Variants in B3GALT1 observed in about 807,000 individuals in gnomAD.
B3GALT1 encodes the protein beta-1,3-galactosyltransferase 1.
A neutral mutation model predicts 23.2 loss-of-function variants in B3GALT1; 10 were observed. That is an observed-to-expected ratio of 0.43 (90% CI 0.27 to 0.73). The LOEUF (loss-of-function observed/expected upper bound fraction) is 0.73, where lower values mean the gene tolerates loss of function less well. Among genes scored for constraint, B3GALT1 ranks in the 30% least tolerant of loss-of-function variants. The pLI, the probability that B3GALT1 is intolerant of heterozygous loss-of-function variation, is 0.21. For synonymous variants in B3GALT1, 156 were observed against 141.5 expected (o/e 1.10, Z -0.73); for missense variants, 299 against 405.4 (o/e 0.74, Z 2.25).
intron 1 of B3GALT1, among the ~76,000 whole-genome samples, chr2:167,393,117 C>G (rs1354718301): frequency 6.6e-6 from 1 of 151,846 alleles, no homozygotes; most frequent in Non-Finnish European, 1.5e-5. Flanking sequence ...GCCTGTAGTC[C>G]CAGCTGCTTG....
intron 2 of B3GALT1, among the ~76,000 whole-genome samples, chr2:167,615,866 C>G (rs907465424): frequency 6.6e-6 from 1 of 151,944 alleles, no homozygotes; most frequent in Non-Finnish European, 1.5e-5. Flanking sequence ...AGCAATGAAA[C>G]TGAGGTGTGG....
intron 3 of B3GALT1, among the ~76,000 whole-genome samples, chr2:167,772,272 A>C (rs1020093464): frequency 6.6e-6 from 1 of 152,208 alleles, no homozygotes; most frequent in Non-Finnish European, 1.5e-5. Flanking sequence ...AGTCACAACG[A>C]TATTTTCCCT....
chr2:167,664,007 T>G (rs1446033769), intron 3 of B3GALT1, among the ~76,000 whole-genome samples: 1 of 151,036 alleles, frequency 6.6e-6, no homozygotes, highest in Non-Finnish European at 1.5e-5. Flanking sequence ...TGCCATTGCT[T>G]TTGGTGTTTT....
chr2:167,328,640 T>C (rs958727826), intron 1 of B3GALT1, among the ~76,000 whole-genome samples: 1 of 152,112 alleles, frequency 6.6e-6, no homozygotes, highest in Non-Finnish European at 1.5e-5. Context: ...TTTTATCTTT[T>C]TGAAGAACCA....
chr2:167,583,960 T>C (rs1467522472), intron 2 of B3GALT1, among the ~76,000 whole-genome samples: 2 of 134,018 alleles, frequency 1.5e-5, no homozygotes, highest in Admixed American at 9.0e-5. Flanking sequence ...TCTAGACATA[T>C]ATACCAAATA....
At chr2:167,574,564 G>T (rs1271584669) in intron 2 of B3GALT1, among the ~76,000 whole-genome samples, 1 of 151,644 alleles carries the variant, frequency 6.6e-6, no homozygotes, top group African/African-American at 2.4e-5. Flanking sequence ...ATTTCACTTG[G>T]ATATCTAGAT....
chr2:167,661,218 G>C (rs1162939098), intron 3 of B3GALT1, among the ~76,000 whole-genome samples: 1 of 152,104 alleles, frequency 6.6e-6, no homozygotes, highest in Non-Finnish European at 1.5e-5. Context: ...CTCAATTACA[G>C]TGTGTGAAAT....
intron 1 of B3GALT1, among the ~76,000 whole-genome samples, chr2:167,317,096 A>G (rs924042456): frequency 2.0e-5 from 3 of 152,142 alleles, no homozygotes; most frequent in Non-Finnish European, 2.9e-5. Flanking sequence ...GGTGTAAACA[A>G]TAAAGAGAAC....
chr2:167,458,828 A>G (rs1305019199), intron 1 of B3GALT1, among the ~76,000 whole-genome samples: 1 of 152,152 alleles, frequency 6.6e-6, no homozygotes, highest in Admixed American at 6.5e-5. Context: ...TTGTTAGTAT[A>G]TAGAAATGCA....
intron 3 of B3GALT1, among the ~76,000 whole-genome samples, chr2:167,667,067 A>C (rs1219366051): frequency 6.6e-6 from 1 of 151,852 alleles, no homozygotes; most frequent in Non-Finnish European, 1.5e-5. Context: ...ACATTTTGGC[A>C]TGATTTTGCA....
chr2:167,567,834 A>G (rs1466506385), intron 2 of B3GALT1, among the ~76,000 whole-genome samples: 1 of 152,142 alleles, frequency 6.6e-6, no homozygotes. Flanking sequence ...ATTCACCATT[A>G]TAGTATCATG....
chr2:167,868,989 T>C lies in B3GALT1; in HGVS notation c.-51T>C, dbSNP rs189004220. 7 of 1,524,114 alleles carry C rather than the reference T, an allele frequency of 4.6e-6. No homozygotes were observed. The Admixed American group carries it at 1.1e-4, about 24-fold the overall frequency. The allele number at this position is 1,524,114 out of a possible 1,614,324, so 94.4% of individuals were successfully genotyped here. On this transcript the variant is annotated 5_prime_UTR_variant, in exon 5 of 5. Transcript: ENST00000392690. ...CCTTTGGAAGATGAAAACAAACTAG[T>C]GCCAAGGAGGCGTATTCTTCAATAT... is the stretch of plus-strand genomic sequence containing the variant.
chr2:167,758,279 A>G (rs1332896729), intron 3 of B3GALT1, among the ~76,000 whole-genome samples: 1 of 152,156 alleles, frequency 6.6e-6, no homozygotes, highest in Non-Finnish European at 1.5e-5. Context: ...TCACTTGTGA[A>G]TATCTGCATC....
chr2:167,380,475 C>G (rs1308563854), intron 1 of B3GALT1, among the ~76,000 whole-genome samples: 1 of 152,192 alleles, frequency 6.6e-6, no homozygotes, highest in Non-Finnish European at 1.5e-5. Flanking sequence ...GAGGCACTTG[C>G]CACAGCTCTG....
At chr2:167,748,774 G>A (rs1687690128) in intron 3 of B3GALT1, among the ~76,000 whole-genome samples, 1 of 152,158 alleles carries the variant, frequency 6.6e-6, no homozygotes. Context: ...GAGTCTGTGG[G>A]AGAAAGGCCA....
chr2:167,746,498 T>C (rs1687654304), intron 3 of B3GALT1, among the ~76,000 whole-genome samples: 1 of 152,230 alleles, frequency 6.6e-6, no homozygotes, highest in Non-Finnish European at 1.5e-5. Context: ...ATGTGATTTG[T>C]TGTTTTCTAA....
intron 3 of B3GALT1, among the ~76,000 whole-genome samples, chr2:167,770,149 C>T (rs1688048309): frequency 6.6e-6 from 1 of 152,170 alleles, no homozygotes; most frequent in African/African-American, 2.4e-5. Context: ...CGCTGCCACC[C>T]AGGCTAGAAT....
At position 167,759,909 on chromosome 2, in the gene B3GALT1, C is replaced by G. The variant is rs141101308; in HGVS notation, c.-351-58763C>G. On this transcript the variant is annotated intron_variant, in intron 3 of 4. Transcript: ENST00000392690. ...TGTTCATCTAGGCTTTTTGGGGTGT[C>G]GTTATAGCTGAGCCACCATTTTGAG... Among the ~76,000 whole-genome samples, 763 of 152,144 alleles carry G rather than the reference C, an allele frequency of 5.0e-3. 5 individuals carry two copies. The highest frequency in any genetic ancestry group is 0.017 in the African/African-American group (720 of 41,506).
At position 167,824,563 on chromosome 2, in the gene B3GALT1, G is replaced by A. The variant is rs562909345; in HGVS notation, c.-230+5770G>A. ...GGACTTGACTCCCAGTCTTGCTCTC[G>A]GTCCTCTCTACCACTCCACCCTCCA... On this transcript the variant is annotated intron_variant, in intron 4 of 4. Transcript: ENST00000392690. 3.0e-4 allele frequency among the ~76,000 whole-genome samples: 45 copies of A among 152,308 alleles called. 1 individual carries two copies. Among genetic ancestry groups the A allele is most frequent in the African/African-American group, 1.0e-3 (43 of 41,570 alleles).
Sources: gnomAD v4.1 joint callset for allele counts (sites outside exome capture counted in the v4.1 genomes callset) on GRCh38, gnomAD v4.1.1 for gene constraint, MANE v1.5 for transcripts, NCBI Gene and HGNC (gene_info 2026-07-23, HGNC 2026-07-21) for gene names.